GRM5: variants seen among roughly 807,000 people sequenced by gnomAD.
GRM5 encodes metabotropic glutamate receptor 5.
In GRM5, 19 loss-of-function variants were observed where a neutral mutation model predicts 83.1. The observed-to-expected ratio is 0.23, with a 90% CI of 0.16 to 0.34. The LOEUF (loss-of-function observed/expected upper bound fraction) is 0.34. Among genes scored for constraint, GRM5 ranks in the 10% least tolerant of loss-of-function variants. The probability of loss-of-function intolerance (pLI) is 1.00; values close to 1 mark genes in which losing one functional copy is unlikely to be tolerated. For missense variants in GRM5, 1,160 were observed against 1,588.3 expected, an observed-to-expected ratio of 0.73 and a Z score of 4.58; for synonymous variants, 675 against 633.6, an observed-to-expected ratio of 1.07 and a Z score of -0.98.
rs558314669 is a variant in GRM5 at position 88,591,988 on chromosome 11, G to A, written c.1564-1261C>T. Reference sequence around the variant, plus strand: ...TCTTAGGGGAGAAAACTAAGGTAAAGTTAGCTCACATAGCATGTTAGGGTA... The same window carrying A: ...TCTTAGGGGAGAAAACTAAGGTAAAATTAGCTCACATAGCATGTTAGGGTA... On this transcript the variant is annotated intron_variant, in intron 6 of 9. Coordinates refer to ENST00000305447, the MANE Select transcript of GRM5 (RefSeq NM_001143831.3). Among the ~76,000 whole-genome samples the A allele has an allele frequency of 4.3e-4, 65 of 152,248 alleles. No individual in the cohort carries two copies. In the South Asian group the frequency reaches 0.013, roughly 30 times the overall value.
chr11:88,743,069 A>G (rs1266666047), intron 3 of GRM5, among the ~76,000 whole-genome samples: 3 of 152,138 alleles, frequency 2.0e-5, no homozygotes, highest in Non-Finnish European at 4.4e-5. Context: ...ACCTTCAAGG[A>G]GACTCTCCTA....
chr11:88,624,404 T>C (rs1048527239), intron 4 of GRM5, among the ~76,000 whole-genome samples: 1 of 152,156 alleles, frequency 6.6e-6, no homozygotes, highest in African/African-American at 2.4e-5. Context: ...AAATATTGCC[T>C]GAGAGGATAA....
chr11:88,819,858 C>A (rs578128733), intron 3 of GRM5, among the ~76,000 whole-genome samples: 1 of 151,974 alleles, frequency 6.6e-6, no homozygotes, highest in African/African-American at 2.4e-5. Context: ...GACAAAAAGG[C>A]GAGCAAATAT....
At chr11:88,662,596 A>G (rs1361396929) in intron 3 of GRM5, among the ~76,000 whole-genome samples, 3 of 152,150 alleles carry the variant, frequency 2.0e-5, no homozygotes, top group Non-Finnish European at 4.4e-5. Flanking sequence ...TAAAATAGGG[A>G]TACTACCCTC....
At chr11:88,536,438 C>T (rs1334287154) in intron 8 of GRM5, among the ~76,000 whole-genome samples, 1 of 152,096 alleles carries the variant, frequency 6.6e-6, no homozygotes, top group African/African-American at 2.4e-5. Context: ...AATTTTGGAG[C>T]CAGTTTTTAT....
chr11:88,897,038 A>C (rs750707805), intron 2 of GRM5, among the ~76,000 whole-genome samples: 4 of 151,862 alleles, frequency 2.6e-5, no homozygotes, highest in Non-Finnish European at 5.9e-5. Context: ...AATCAAACGA[A>C]CTGCCCAACT....
rs536678697 is a variant in GRM5, at chr11:88,682,515, A to G, written c.912-29112T>C. On this transcript the variant is annotated intron_variant, in intron 3 of 9. Transcript: ENST00000305447. Reference sequence around the variant, plus strand: ...CAGTGAGATACCTATCTACTTAGCTATATGACAACTATCACCAGAATATCA... The same window carrying G: ...CAGTGAGATACCTATCTACTTAGCTGTATGACAACTATCACCAGAATATCA... Among the ~76,000 whole-genome samples the G allele has an allele frequency of 6.6e-5, 10 of 152,338 alleles. No individual in the cohort carries two copies. In the South Asian group the frequency reaches 8.3e-4, roughly 13 times the overall value.
intron 3 of GRM5, among the ~76,000 whole-genome samples, chr11:88,812,299 A>AC (rs35942836): frequency 6.6e-6 from 1 of 151,814 alleles, no homozygotes; most frequent in African/African-American, 2.4e-5. Context: ...AGATAATTAT[A>AC]GTGATACGTC....
chr11:89,055,666 TATA>T (rs1261340750), intron 1 of GRM5, among the ~76,000 whole-genome samples: 2 of 151,818 alleles, frequency 1.3e-5, no homozygotes, highest in African/African-American at 2.4e-5. Context: ...TTTCAAAGCT[TATA>T]ATATTTTATT....
chr11:89,060,691 T>A (rs1019459643), intron 1 of GRM5, among the ~76,000 whole-genome samples: 16 of 152,260 alleles, frequency 1.1e-4, no homozygotes, highest in African/African-American at 3.1e-4. Context: ...AGGTAAAATA[T>A]AGATTTTCAT....
Position 88,574,696 on chromosome 11 carries a change from G to A in GRM5, c.1691-6704C>T, listed in dbSNP as rs555082659. On this transcript the variant is annotated intron_variant, in intron 7 of 9. Transcript: ENST00000305447. ...GCAGGAGAATCGCTTGAACCCAGGAGATGGAGGTTGCAGTGAGCCAAGATT... is the reference window on the plus strand; with the variant it reads ...GCAGGAGAATCGCTTGAACCCAGGAAATGGAGGTTGCAGTGAGCCAAGATT... Among the ~76,000 whole-genome samples the A allele has an allele frequency of 7.9e-5, 12 of 152,310 alleles. No individual in the cohort carries two copies. The East Asian group carries it at 2.1e-3, about 27-fold the overall frequency.
chr11:88,709,395 A>G (rs1399878768), intron 3 of GRM5, among the ~76,000 whole-genome samples: 1 of 152,068 alleles, frequency 6.6e-6, no homozygotes, highest in Non-Finnish European at 1.5e-5. Context: ...TTTCTGAAGA[A>G]TAAGAAATCC....
chr11:88,801,257 G>C (rs544368237), intron 3 of GRM5, among the ~76,000 whole-genome samples: 1 of 152,222 alleles, frequency 6.6e-6, no homozygotes, highest in East Asian at 1.9e-4. Context: ...CTGGCCAAAG[G>C]ATTTGTTCCT....
intron 2 of GRM5, among the ~76,000 whole-genome samples, chr11:88,894,062 C>G (rs1945190195): frequency 6.6e-6 from 1 of 151,936 alleles, no homozygotes; most frequent in Non-Finnish European, 1.5e-5. Context: ...AAACTAAGCA[C>G]TAGACATTTT....
chr11:88,775,600 T>C (rs1302811352), intron 3 of GRM5, among the ~76,000 whole-genome samples: 3 of 152,160 alleles, frequency 2.0e-5, no homozygotes, highest in Non-Finnish European at 4.4e-5. Context: ...TCCCTCTACA[T>C]ACTGCATTAA....
chr11:88,557,923 T>C (rs992459490), intron 8 of GRM5, among the ~76,000 whole-genome samples: 1 of 152,054 alleles, frequency 6.6e-6, no homozygotes, highest in Non-Finnish European at 1.5e-5. Context: ...GTGTCACCTT[T>C]CCTGAAACCT....
intron 8 of GRM5, among the ~76,000 whole-genome samples, chr11:88,531,380 G>A (rs533534078): frequency 1.3e-5 from 2 of 152,114 alleles, no homozygotes; most frequent in South Asian, 2.1e-4. Flanking sequence ...ATATGGTTTG[G>A]AAGGGAAAGG....
intron 3 of GRM5, among the ~76,000 whole-genome samples, chr11:88,660,296 C>T (rs567845250): frequency 6.8e-4 from 103 of 152,260 alleles, no homozygotes; most frequent in African/African-American, 2.5e-3. Context: ...TAAGATTATT[C>T]TCTGATCACC....
chr11:88,752,004 G>A (rs1411368314), intron 3 of GRM5, among the ~76,000 whole-genome samples: 2 of 152,162 alleles, frequency 1.3e-5, no homozygotes, highest in African/African-American at 4.8e-5. Flanking sequence ...CATACTGAAT[G>A]TGCAAAAGCT....
Sources: allele counts gnomAD v4.1 joint callset (sites outside exome capture counted in the v4.1 genomes callset), GRCh38; gene constraint gnomAD v4.1.1; transcripts MANE v1.5; gene names NCBI Gene and HGNC (gene_info 2026-07-23, HGNC 2026-07-21).